ZNF732: variants seen among roughly 807,000 people sequenced by gnomAD.
ZNF732 encodes the protein zinc finger protein LOC654254.
In ZNF732, 12 loss-of-function variants were observed where a neutral mutation model predicts 11.5. The observed-to-expected ratio is 1.05, with a 90% CI of 0.67 to 1.70. The LOEUF is 1.70. Ranked by LOEUF, ZNF732 falls within the 40% of genes most tolerant of loss-of-function variation. The pLI is 0.00. For synonymous variants in ZNF732, 231 were observed against 236.5 expected (o/e 0.98, Z 0.21); for missense variants, 702 against 676.9 (o/e 1.04, Z -0.41).
chr4:305,448 A>C lies in ZNF732; in HGVS notation c.-138T>G. On this transcript the variant is annotated 5_prime_UTR_variant, in exon 1 of 4. Transcript: ENST00000419098. ...GTGAAAGCACGGCCGTGGAGACCCTAACCGAGCTCACGCTGGCGCAAAAGG... is the reference window on the plus strand; with the variant it reads ...GTGAAAGCACGGCCGTGGAGACCCTCACCGAGCTCACGCTGGCGCAAAAGG... 2 of 1,262,326 alleles carry C rather than the reference A, an allele frequency of 1.6e-6. No individual in the cohort carries two copies. Among genetic ancestry groups the C allele is most frequent in the Non-Finnish European group, 2.2e-6 (2 of 912,766 alleles). 78.2% of individuals were successfully genotyped at this position (1,262,326 alleles called of 1,614,324 possible).
chr4:295,417 C>A, intron 3 of ZNF732, 21 bp downstream of exon 3: 1 of 1,587,364 alleles, frequency 6.3e-7, no homozygotes, highest in East Asian at 2.3e-5. Flanking sequence ...TGTGTCCTCT[C>A]CTTCATTCAC....
rs1466470692 is a variant in ZNF732 at position 271,150 on chromosome 4, C to A, written c.1707G>T (p.Trp569Cys). Residue 569 changes from tryptophan (W) to cysteine (C), a missense_variant, in exon 4 of 4, where the codon TGG (tryptophan) becomes TGT (cysteine). Physicochemically the swap from Trp to Cys is radical, Grantham distance 215 (BLOSUM62 -2). Coordinates refer to ENST00000419098, the MANE Select transcript of ZNF732 (RefSeq NM_001137608.3). ...TATTATGTTGATTAAGGTATGAGGA[C>A]CACTTAAAGGCTTTGCCACATCCTT... Reference protein sequence around the residue: ...KCKGCGKAFKWSSYLNQHNKI... With the variant: ...KCKGCGKAFKCSSYLNQHNKI... 1.2e-5 allele frequency: 19 copies of A among 1,543,414 alleles called. No homozygotes were observed. The highest frequency in any genetic ancestry group is 4.2e-5 in the Admixed American group (2 of 48,168).
At chr4:297,163 G>C (rs1199149184) in intron 1 of ZNF732, among the ~76,000 whole-genome samples, 2 of 152,030 alleles carry the variant, frequency 1.3e-5, no homozygotes, top group Non-Finnish European at 2.9e-5. Flanking sequence ...AGCTACTCAG[G>C]AGGCTGAGGC....
At chr4:294,326 G>A (rs1345187812) in intron 3 of ZNF732, among the ~76,000 whole-genome samples, 3 of 152,144 alleles carry the variant, frequency 2.0e-5, no homozygotes, top group African/African-American at 2.4e-5. Flanking sequence ...AAAATGATAC[G>A]TTGCTTCACT....
chr4:302,774 G>A (rs1281376597), intron 1 of ZNF732, among the ~76,000 whole-genome samples: 2 of 152,138 alleles, frequency 1.3e-5, no homozygotes, highest in African/African-American at 2.4e-5. Flanking sequence ...AAAAGTTTTC[G>A]AGACAGGAGC....
chr4:303,260 A>G (rs191936837), intron 1 of ZNF732, among the ~76,000 whole-genome samples: 357 of 152,276 alleles, frequency 2.3e-3, no homozygotes, highest in Non-Finnish European at 4.3e-3. Flanking sequence ...CCAAAGTATA[A>G]AAGAAAATCT....
chr4:305,287 A>C lies in ZNF732; in HGVS notation c.3+21T>G, dbSNP rs782760315. ...CGGATGAGGCCTCCCCAGCCTTGGG[A>C]CGCCCTGCCCCCACACTCACCATTT... On this transcript the variant is annotated intron_variant, in intron 1 of 3. Coordinates refer to ENST00000419098, the MANE Select transcript of ZNF732 (RefSeq NM_001137608.3). 3.1e-6 allele frequency: 5 copies of C among 1,605,262 alleles called. No individual in the cohort carries two copies. The South Asian group carries it at 4.4e-5, about 14-fold the overall frequency.
At chr4:299,337 TTATGAGTATATATACACATATATACACA>T (rs1720028918) in intron 1 of ZNF732, among the ~76,000 whole-genome samples, 1 of 108,328 alleles carries the variant, frequency 9.2e-6, no homozygotes, top group Non-Finnish European at 2.0e-5. Context: ...TTAGAAGCAG[TTATGAGTATATATACACATATATACACA>T]TATGTGTATA....
chr4:286,520 T>C lies in ZNF732; in HGVS notation c.226+8918A>G, dbSNP rs550603275. ...CAATGAGGATACATTTTTAAGACTTTATTTAGGTGGAGGAAGCCAGGCACA... is the reference window on the plus strand; with the variant it reads ...CAATGAGGATACATTTTTAAGACTTCATTTAGGTGGAGGAAGCCAGGCACA... On this transcript the variant is annotated intron_variant, in intron 3 of 3. Coordinates refer to ENST00000419098, the MANE Select transcript of ZNF732 (RefSeq NM_001137608.3). Among the ~76,000 whole-genome samples the C allele has an allele frequency of 3.9e-5, 6 of 152,348 alleles. No individual in the cohort carries two copies. In the East Asian group the frequency reaches 9.6e-4, roughly 24 times the overall value.
intron 1 of ZNF732, among the ~76,000 whole-genome samples, chr4:299,465 A>ATGTG (rs1397221461): frequency 1.5e-5 from 1 of 68,490 alleles, no homozygotes; most frequent in Non-Finnish European, 3.0e-5. Context: ...ATATGTGTAT[A>ATGTG]TATATATACA....
intron 3 of ZNF732, among the ~76,000 whole-genome samples, chr4:283,260 TATTC>T: frequency 6.6e-6 from 1 of 152,212 alleles, no homozygotes; most frequent in Non-Finnish European, 1.5e-5. Context: ...AGGAAACTTC[TATTC>T]TTTATAAATT....
rs782569997 is a variant in ZNF732 at position 272,366 on chromosome 4, G to A, written c.491C>T (p.Thr164Ile). The A allele has an allele frequency of 3.7e-6, 6 of 1,605,330 alleles. 1 individual carries two copies. In the South Asian group the frequency reaches 6.6e-5, roughly 18 times the overall value. ...SNSNQRRIRHTGEKHFKECGK... is the reference protein window; with the variant it reads ...SNSNQRRIRHIGEKHFKECGK... ...ACATTCTTTAAAGTGTTTCTCTCCA[G>A]TATGTCTTATCCTACGTTGGTTTGA... The change falls in exon 4 of 4, where the codon ACT becomes ATT. Residue 164 changes from threonine (T) to isoleucine (I), a missense_variant. Thr to Ile is a moderately conservative substitution (Grantham distance 89). Coordinates refer to ENST00000419098, the MANE Select transcript of ZNF732 (RefSeq NM_001137608.3).
intron 1 of ZNF732, among the ~76,000 whole-genome samples, chr4:298,406 TC>T (rs1553842800): frequency 6.7e-6 from 1 of 148,918 alleles, no homozygotes; most frequent in Non-Finnish European, 1.5e-5. Flanking sequence ...TCTCCGGATC[TC>T]ACTTTTCACC....
In ZNF732 at chr4:299,428, C is replaced by T. The variant is rs1276009499; in HGVS notation, c.4-3273G>A. Among the ~76,000 whole-genome samples, 33 of 79,450 alleles carry T rather than the reference C, an allele frequency of 4.2e-4. 2 individuals carry two copies. The highest frequency in any genetic ancestry group is 3.0e-3 in the East Asian group (8 of 2,678). 52.1% of individuals were successfully genotyped at this position (79,450 alleles called of 152,430 possible). ...GTATATATATATACACATATATACA[C>T]ATATGTGTATATATATATATATACA... On this transcript the variant is annotated intron_variant, in intron 1 of 3. Coordinates refer to ENST00000419098, the MANE Select transcript of ZNF732 (RefSeq NM_001137608.3).
chr4:304,934 T>C (rs1720198687), intron 1 of ZNF732, among the ~76,000 whole-genome samples: 1 of 152,162 alleles, frequency 6.6e-6, no homozygotes, highest in African/African-American at 2.4e-5. Context: ...TCACATGAAC[T>C]CTATGTTTTG....
At chr4:305,242 G>T in intron 1 of ZNF732, 66 bp downstream of exon 1, 1 of 1,572,310 alleles carries the variant, frequency 6.4e-7, no homozygotes, top group South Asian at 1.1e-5. Context: ...CCGTCCCGCC[G>T]CCGCCATTTC....
intron 1 of ZNF732, among the ~76,000 whole-genome samples, chr4:299,358 T>C (rs1308819608): frequency 1.4e-5 from 2 of 141,176 alleles, no homozygotes; most frequent in African/African-American, 5.5e-5. Context: ...TATACACATA[T>C]ATACACATAT....
chr4:294,040 C>T (rs538189145), intron 3 of ZNF732, among the ~76,000 whole-genome samples: 3 of 152,264 alleles, frequency 2.0e-5, no homozygotes, highest in African/African-American at 7.2e-5. Context: ...TTGCTCATGT[C>T]GTCTAGACTG....
chr4:270,866 C>A lies in ZNF732; in HGVS notation c.*233G>T. On this transcript the variant is annotated 3_prime_UTR_variant, in exon 4 of 4. Transcript: ENST00000419098. ...TCACATTTGTAGGGTTGCTCTCCAG[C>A]ATCAATTTTCTTATGTTGATTCAGG... The A allele has an allele frequency of 7.7e-5, 48 of 626,926 alleles. No homozygotes were observed. The highest frequency in any genetic ancestry group is 1.0e-4 in the Non-Finnish European group (34 of 330,936). 38.8% of individuals were successfully genotyped at this position (626,926 alleles called of 1,614,324 possible).
Sources: allele counts gnomAD v4.1 joint callset (sites outside exome capture counted in the v4.1 genomes callset), GRCh38; gene constraint gnomAD v4.1.1; transcripts MANE v1.5; gene names NCBI Gene and HGNC (gene_info 2026-07-23, HGNC 2026-07-21).